MAPK8IP3: variants seen among roughly 807,000 people sequenced by gnomAD.
MAPK8IP3 encodes mitogen-activated protein kinase 8 interacting protein 3, also known as C-Jun-amino-terminal kinase-interacting protein 3.
MAPK8IP3 carries 49 observed loss-of-function variants against 157.8 expected under a neutral mutation model. That is an observed-to-expected ratio of 0.31 (90% CI 0.25 to 0.39). The LOEUF (loss-of-function observed/expected upper bound fraction) is 0.39. Among genes scored for constraint, MAPK8IP3 ranks in the 10% least tolerant of loss-of-function variants. The pLI is 1.00. For synonymous variants in MAPK8IP3, 897 were observed against 777.7 expected, an observed-to-expected ratio of 1.15 and a Z score of -2.55; for missense variants, 1,478 against 1,889.4, an observed-to-expected ratio of 0.78 and a Z score of 4.04.
rs879540223 is a variant in MAPK8IP3 at position 1,761,398 on chromosome 16, ACCACCATTCACCATTCACAGGCAGAGCGG to A, written c.1539+145_1539+173del. ...CCGTTCACCATTCACACACAGGGTGACCACCATTCACCATTCACAGGCAGAGCGGCCACCATTCACCATTCACAGGCAGA... is the reference window on the plus strand; with the variant it reads ...CCGTTCACCATTCACACACAGGGTGACCACCATTCACCATTCACAGGCAGA... On this transcript the variant is annotated intron_variant, in intron 13 of 31. Transcript: ENST00000610761. 5.5e-5 allele frequency: 55 copies of A among 998,372 alleles called. 2 individuals are homozygous for A. The African/African-American group carries it at 7.2e-4, about 13-fold the overall frequency. 61.8% of individuals were successfully genotyped at this position (998,372 alleles called of 1,614,324 possible). A position where few individuals can be genotyped will look rare whatever the true frequency, so the allele number is the denominator to read the frequency against.
In MAPK8IP3 at chr16:1,766,237, G is replaced by C. The variant is rs752710188; in HGVS notation, c.2647G>C (p.Ala883Pro). 6.2e-7 allele frequency: 1 copy of C among 1,609,636 alleles called. No individual in the cohort carries two copies. The highest frequency in any genetic ancestry group is 8.5e-7 in the Non-Finnish European group (1 of 1,178,194). The change falls in exon 22 of 32, where the codon GCC (alanine) becomes CCC (proline). Residue 883 changes from alanine (A) to proline (P), a missense_variant. Ala to Pro is a conservative substitution (Grantham distance 27). Around this residue, in one of 11 missense-constraint regions of MAPK8IP3, gnomAD observed 669 missense variants for 759.8 expected, o/e 0.88. Transcript: ENST00000610761. ...DKGQGEVATIANGKVNPSQST... is the reference protein window; with the variant it reads ...DKGQGEVATIPNGKVNPSQST... ...TAACACAGGGGAGGTGGCCACCATC[G>C]CCAACGGGAAGGTCAACCCGTCCCA...
chr16:1,765,914 G>C, intron 20 of MAPK8IP3, 46 bp from the exon 21 acceptor site: 1 of 1,547,810 alleles, frequency 6.5e-7, no homozygotes, highest in Non-Finnish European at 8.8e-7. Flanking sequence ...CGCCCTTGCA[G>C]TAGTGGGTTC....
chr16:1,765,785 C>G (rs991796626), intron 20 of MAPK8IP3, among the ~76,000 whole-genome samples, 175 bp from the exon 21 acceptor site: 1 of 152,186 alleles, frequency 6.6e-6, no homozygotes, highest in Non-Finnish European at 1.5e-5. Flanking sequence ...GCTGGAGTCC[C>G]AGACCTCCAG....
chr16:1,713,252 G>T (rs945929801), intron 1 of MAPK8IP3, among the ~76,000 whole-genome samples: 1 of 151,868 alleles, frequency 6.6e-6, no homozygotes, highest in Non-Finnish European at 1.5e-5. Flanking sequence ...ATTTTTAGTT[G>T]TATTTACTTG....
At chr16:1,718,260 C>A (rs904964868) in intron 1 of MAPK8IP3, among the ~76,000 whole-genome samples, 7 of 151,500 alleles carry the variant, frequency 4.6e-5, no homozygotes, top group Non-Finnish European at 8.8e-5. Flanking sequence ...CCTCGGCTCA[C>A]TGCAACCTCT....
intron 16 of MAPK8IP3, among the ~76,000 whole-genome samples, chr16:1,763,259 G>A (rs1422001367): frequency 1.3e-5 from 2 of 152,246 alleles, no homozygotes; most frequent in African/African-American, 4.8e-5. Context: ...ACAGTCAGGG[G>A]GCTGTGCTGG....
intron 4 of MAPK8IP3, among the ~76,000 whole-genome samples, chr16:1,734,011 A>G (rs1201561102): frequency 1.3e-5 from 2 of 152,206 alleles, no homozygotes; most frequent in Admixed American, 6.5e-5. Context: ...GGAAGCCTCC[A>G]TTTGTGAAAC....
At chr16:1,752,388 T>C in intron 8 of MAPK8IP3, 1 of 261,744 alleles carries the variant, frequency 3.8e-6, no homozygotes, top group Non-Finnish European at 7.8e-6. Flanking sequence ...CACGACAGGC[T>C]GCTCTTGGGA....
Position 1,768,640 on chromosome 16 carries a change from A to T in MAPK8IP3, c.3892+14A>T, listed in dbSNP as rs1306024082. On this transcript the variant is annotated intron_variant, in intron 31 of 31. Coordinates refer to ENST00000610761, the MANE Select transcript of MAPK8IP3 (RefSeq NM_001318852.2). ...ACTTCCGCATTGGTGAGCGGGGCCCAGGGACAGGGCTGAGGTTGGGCGCGG... is the reference window on the plus strand; with the variant it reads ...ACTTCCGCATTGGTGAGCGGGGCCCTGGGACAGGGCTGAGGTTGGGCGCGG... The T allele has an allele frequency of 1.2e-6, 2 of 1,609,078 alleles. No homozygotes were observed. The highest frequency in any genetic ancestry group is 1.7e-5 in the Admixed American group (1 of 59,532).
At chr16:1,720,680 T>C (rs2038456474) in intron 1 of MAPK8IP3, among the ~76,000 whole-genome samples, 1 of 152,212 alleles carries the variant, frequency 6.6e-6, no homozygotes, top group Non-Finnish European at 1.5e-5. Flanking sequence ...GAAACATACA[T>C]TGTTTATATA....
At chr16:1,721,131 A>G (rs556432778) in intron 1 of MAPK8IP3, among the ~76,000 whole-genome samples, 1 of 151,982 alleles carries the variant, frequency 6.6e-6, no homozygotes, top group East Asian at 1.9e-4. Flanking sequence ...TAAGGTCAAG[A>G]GTTTGAGACC....
Position 1,741,359 on chromosome 16 carries a change from C to T in MAPK8IP3, c.603-1973C>T, listed in dbSNP as rs1283198988. On this transcript the variant is annotated intron_variant, in intron 4 of 31. Transcript: ENST00000610761. This position sits in a 1 kb window ranked among gnomAD's most constrained non-coding sequence, Gnocchi z 6.9. ...GGAGCAAAGGAAAGAGTGAAGGCAG[C>T]TCCTGATCCTGGGTGATTTCTGTCG... Among the ~76,000 whole-genome samples the T allele has an allele frequency of 6.6e-6, 1 of 152,148 alleles. No individual in the cohort carries two copies. Among genetic ancestry groups the T allele is most frequent in the African/African-American group, 2.4e-5 (1 of 41,436 alleles).
rs531969527 is a variant in MAPK8IP3, at chr16:1,724,218, C to A, written c.319-339C>A. Among the ~76,000 whole-genome samples, 11 of 152,380 alleles carry A rather than the reference C, an allele frequency of 7.2e-5. No homozygotes were observed. The South Asian group carries it at 2.3e-3, about 32-fold the overall frequency. On this transcript the variant is annotated intron_variant, in intron 1 of 31. Coordinates refer to ENST00000610761, the MANE Select transcript of MAPK8IP3 (RefSeq NM_001318852.2). The surrounding 1 kb of genome is among the most constrained non-coding windows in gnomAD (Gnocchi z 4.1). ...AGCATTGGGCCTTCTGAGTGCAGGGCCCCGCATTGCTGCCCGGGTCTCATG... is the reference window on the plus strand; with the variant it reads ...AGCATTGGGCCTTCTGAGTGCAGGGACCCGCATTGCTGCCCGGGTCTCATG...
At chr16:1,754,922 G>A (rs1198476045) in intron 8 of MAPK8IP3, among the ~76,000 whole-genome samples, 1 of 152,174 alleles carries the variant, frequency 6.6e-6, no homozygotes, top group East Asian at 1.9e-4. Context: ...GCTGTCTGCT[G>A]ACATGACAGG....
chr16:1,721,033 CAA>C (rs748395787), intron 1 of MAPK8IP3, among the ~76,000 whole-genome samples: 7 of 93,260 alleles, frequency 7.5e-5, no homozygotes, highest in Non-Finnish European at 2.2e-5. Context: ...AACTTTGTCT[CAA>C]AAAAAAAAAA....
At chr16:1,754,275 G>C (rs1356748439) in intron 8 of MAPK8IP3, among the ~76,000 whole-genome samples, 1 of 152,166 alleles carries the variant, frequency 6.6e-6, no homozygotes, top group Non-Finnish European at 1.5e-5. Flanking sequence ...GCACTACCTG[G>C]TGGGAATTTC....
chr16:1,736,496 G>A (rs533813135), intron 4 of MAPK8IP3, among the ~76,000 whole-genome samples: 2 of 57,632 alleles, frequency 3.5e-5, no homozygotes, highest in Non-Finnish European at 6.1e-5. Flanking sequence ...GTGAGCGTCC[G>A]TGTGAGCGTG....
intron 4 of MAPK8IP3, among the ~76,000 whole-genome samples, chr16:1,739,069 TGTGA>T (rs534577998): frequency 1.5e-3 from 215 of 139,452 alleles, no homozygotes; most frequent in African/African-American, 4.5e-3. Context: ...TGAGCGTCCG[TGTGA>T]GTGTGACCAT....
At chr16:1,750,924 G>A (rs925620200) in intron 8 of MAPK8IP3, among the ~76,000 whole-genome samples, 13 of 152,104 alleles carry the variant, frequency 8.5e-5, no homozygotes, top group African/African-American at 2.9e-4. Context: ...GATTACAGGC[G>A]TGAGCCACCA....
Sources: allele counts gnomAD v4.1 joint callset (sites outside exome capture counted in the v4.1 genomes callset), GRCh38; gene constraint gnomAD v4.1.1; regional missense constraint gnomAD v4.1.1; non-coding constraint Gnocchi (gnomAD v3.1); transcripts MANE v1.5; gene names NCBI Gene and HGNC (gene_info 2026-07-23, HGNC 2026-07-21).